RP1L1: variants seen among roughly 807,000 people sequenced by gnomAD.
RP1L1 encodes retinitis pigmentosa 1-like 1 protein.
Under a neutral mutation model 15.7 loss-of-function variants are expected in RP1L1, and 27 were observed. That is an observed-to-expected ratio of 1.72 (90% CI 1.27 to 2.38). The LOEUF is 2.38. RP1L1 is among the 30% of genes most tolerant of loss of function. RP1L1 has a pLI of 0.00. For synonymous variants in RP1L1, 1,813 were observed against 1,276.7 expected (o/e 1.42, Z -8.96); for missense variants, 4,798 against 3,075.9 (o/e 1.56, Z -13.24).
chr8:10,639,867 G>A (rs896922131), intron 1 of RP1L1, among the ~76,000 whole-genome samples: 7 of 152,184 alleles, frequency 4.6e-5, no homozygotes, highest in African/African-American at 1.7e-4. Flanking sequence ...CCAGAAGAAA[G>A]GACAAAGTTC....
chr8:10,626,442 C>T (rs1477569504), intron 1 of RP1L1, among the ~76,000 whole-genome samples: 1 of 152,102 alleles, frequency 6.6e-6, no homozygotes, highest in Non-Finnish European at 1.5e-5. Context: ...GGGCATGCAG[C>T]CCCCGGAGAG....
At position 10,612,813 on chromosome 8, in the gene RP1L1, C is replaced by T; in HGVS notation, c.1285G>A (p.Ala429Thr). 6.2e-7 allele frequency: 1 copy of T among 1,611,788 alleles called. No homozygotes were observed. The highest frequency in any genetic ancestry group is 8.5e-7 in the Non-Finnish European group (1 of 1,179,856). Residue 429 changes from alanine to threonine, a missense_variant, in exon 4 of 4, where the codon GCC becomes ACC. Coordinates refer to ENST00000382483, the MANE Select transcript of RP1L1 (RefSeq NM_178857.6). ...AGGCCACTGCAGCGGACGTGCTGGG[C>T]CAGTCCCCACCTCTTCCGAGCTGCC... is the stretch of plus-strand genomic sequence containing the variant. The part of the protein sequence containing the change: ...RVAARKRWGL[A>T]QHVRCSGLWG...
chr8:10,614,830 C>G (rs913591629), intron 3 of RP1L1, among the ~76,000 whole-genome samples: 1 of 151,864 alleles, frequency 6.6e-6, no homozygotes, highest in African/African-American at 2.4e-5. Flanking sequence ...ATGTAAATGA[C>G]GAGTTAATGG....
chr8:10,642,242 A>T (rs73662888), intron 1 of RP1L1, among the ~76,000 whole-genome samples: 1,801 of 149,284 alleles, frequency 0.012, 35 homozygotes, highest in African/African-American at 0.044. Context: ...AAGACTGTTC[A>T]TATCTACTCT....
At position 10,610,079 on chromosome 8, in the gene RP1L1, T is replaced by TCC; in HGVS notation, c.4017_4018dup (p.Glu1340GlyfsTer18). ...TCCTTCTCCTTCTGTTTCTTTAGTT[T>TCC]CCTCTAACTGCACCCCCTCTTCTTG... On this transcript the variant is annotated frameshift_variant, in exon 4 of 4. Transcript: ENST00000382483. LOFTEE classifies it low-confidence loss of function (END_TRUNC). 8.9e-7 allele frequency: 1 copy of TCC among 1,120,896 alleles called. No individual in the cohort carries two copies. The highest frequency in any genetic ancestry group is 1.3e-6 in the Non-Finnish European group (1 of 799,382). 69.4% of individuals were successfully genotyped at this position (1,120,896 alleles called of 1,614,324 possible). A position where few individuals can be genotyped will look rare whatever the true frequency, so the allele number is the denominator to read the frequency against.
rs143762729 is a variant in RP1L1, at chr8:10,606,895, C to A, written c.7203G>T (p.Ter2401TyrextTer5). ...TGATTGTTTTCTAGCTTGATCTTGT[C>A]TAGAAATCTAAGTCATCTTGGCCAA... ...DGFGQDDLDF[*>Y] Residue 2401 changes from the stop codon to tyrosine (Y), a stop_lost, in exon 4 of 4, where the codon TAG (stop) becomes TAT (tyrosine). Transcript: ENST00000382483. 1 of 1,614,170 alleles carries A rather than the reference C, an allele frequency of 6.2e-7. No homozygotes were observed. Among genetic ancestry groups the A allele is most frequent in the South Asian group, 1.1e-5 (1 of 91,076 alleles).
intron 1 of RP1L1, among the ~76,000 whole-genome samples, chr8:10,650,212 T>C (rs1475865086): frequency 2.0e-5 from 3 of 152,200 alleles, no homozygotes; most frequent in South Asian, 2.1e-4. Flanking sequence ...TCTCTACTCA[T>C]GAAGCCAGTG....
chr8:10,625,932 A>G (rs1029964545), intron 1 of RP1L1, among the ~76,000 whole-genome samples: 21 of 151,712 alleles, frequency 1.4e-4, no homozygotes, highest in Non-Finnish European at 1.5e-5. Flanking sequence ...TGGGATGGAA[A>G]AGGAGGGGGC....
chr8:10,616,782 C>G (rs1335501330), intron 2 of RP1L1, among the ~76,000 whole-genome samples, 195 bp from the exon 3 acceptor site: 1 of 152,202 alleles, frequency 6.6e-6, no homozygotes. Context: ...TGAGGTCCCA[C>G]CACCACGATC....
At chr8:10,622,508 G>T in intron 2 of RP1L1, 85 bp downstream of exon 2, 1 of 1,580,730 alleles carries the variant, frequency 6.3e-7, no homozygotes, top group Non-Finnish European at 8.7e-7. Context: ...CTCTTTTTAA[G>T]GAATAATCTC....
At chr8:10,616,216 C>G (rs1048229839) in intron 3 of RP1L1, among the ~76,000 whole-genome samples, 1 of 152,164 alleles carries the variant, frequency 6.6e-6, no homozygotes, top group Non-Finnish European at 1.5e-5. Context: ...GCCTCTGTTC[C>G]TTTTATATAC....
Position 10,612,714 on chromosome 8 carries a change from G to T in RP1L1, c.1384C>A (p.Pro462Thr). The T allele has an allele frequency of 1.2e-6, 2 of 1,605,084 alleles. No individual in the cohort carries two copies. The highest frequency in any genetic ancestry group is 1.7e-6 in the Non-Finnish European group (2 of 1,178,838). ...GAGGACTCTGGCTCCGAGCCCTCGG[G>T]GAGGCCGGTGCTGGAGGCTGGGCTG... ...SASPASSTGLPEGSEPESSCC... is the reference protein window; with the variant it reads ...SASPASSTGLTEGSEPESSCC... Residue 462 changes from proline to threonine, a missense_variant, in exon 4 of 4, where the codon CCC becomes ACC. Pro to Thr is a conservative substitution (Grantham distance 38). Transcript: ENST00000382483.
At chr8:10,649,105 T>A (rs913409235) in intron 1 of RP1L1, among the ~76,000 whole-genome samples, 1 of 152,212 alleles carries the variant, frequency 6.6e-6, no homozygotes, top group South Asian at 2.1e-4. Flanking sequence ...TTCCCTTCCT[T>A]AGAAAATTCC....
chr8:10,642,831 G>C (rs995517122), intron 1 of RP1L1, among the ~76,000 whole-genome samples: 2 of 152,166 alleles, frequency 1.3e-5, no homozygotes, highest in African/African-American at 4.8e-5. Flanking sequence ...GAAAGCTCTG[G>C]AGAAACTTAA....
Position 10,610,002 on chromosome 8 carries a change from C to G in RP1L1, c.4096G>C (p.Gly1366Arg), listed in dbSNP as rs773871383. 5 of 1,588,198 alleles carry G rather than the reference C, an allele frequency of 3.1e-6. No homozygotes were observed. In the African/African-American group the frequency reaches 5.4e-5, roughly 17 times the overall value. The change falls in exon 4 of 4, where the codon GGG (glycine) becomes CGG (arginine). Residue 1366 changes from glycine to arginine, a missense_variant. By Grantham distance (125) the Gly-to-Arg change is moderately radical (BLOSUM62 -2). Transcript: ENST00000382483. ...AACTGCACCCCCTCTTCTTGCAGCC[C>G]TTCTCCTCCTGTTTCTTCAATTTCC... Reference protein sequence around the residue: ...LEEIEETGGEGLQEEGVQLEE... With the variant: ...LEEIEETGGERLQEEGVQLEE...
chr8:10,611,649 C>A lies in RP1L1; in HGVS notation c.2449G>T (p.Ala817Ser), dbSNP rs1247911405. The A allele has an allele frequency of 6.2e-7, 1 of 1,613,054 alleles. No individual in the cohort carries two copies. The highest frequency in any genetic ancestry group is 1.1e-5 in the South Asian group (1 of 91,080). Residue 817 changes from alanine to serine, a missense_variant, in exon 4 of 4, where the codon GCG becomes TCG. Transcript: ENST00000382483. ...VLQVGRPEQG[A>S]VGPHRSHCCS... ...CAGTGGCTTCGGTGGGGGCCCACCG[C>A]CCCTTGCTCAGGCCGTCCAACCTGC...
At chr8:10,641,345 C>G (rs147245494) in intron 1 of RP1L1, among the ~76,000 whole-genome samples, 4 of 152,222 alleles carry the variant, frequency 2.6e-5, no homozygotes, top group East Asian at 1.9e-4. Context: ...GACAGCGACC[C>G]CTGGGGGTTC....
intron 1 of RP1L1, among the ~76,000 whole-genome samples, chr8:10,648,475 G>A (rs559364777): frequency 2.0e-5 from 3 of 152,284 alleles, no homozygotes; most frequent in East Asian, 1.9e-4. Context: ...TGACACACAA[G>A]TAGGCTTGAG....
chr8:10,621,872 C>T (rs904432942), intron 2 of RP1L1: 2 of 431,604 alleles, frequency 4.6e-6, no homozygotes, highest in Non-Finnish European at 9.5e-6. Context: ...GGGAGCCATT[C>T]CTGCAGACCC....
Sources: gnomAD v4.1 joint callset for allele counts (sites outside exome capture counted in the v4.1 genomes callset) on GRCh38, gnomAD v4.1.1 for gene constraint, MANE v1.5 for transcripts, NCBI Gene and HGNC (gene_info 2026-07-23, HGNC 2026-07-21) for gene names.